DOCK4: variants seen among roughly 807,000 people sequenced by gnomAD.
DOCK4 encodes the protein dedicator of cytokinesis 4.
A neutral mutation model predicts 268.1 loss-of-function variants in DOCK4; 97 were observed. The ratio of observed to expected loss-of-function variants is 0.36; its 90% CI spans 0.31 to 0.43. The LOEUF is 0.43. DOCK4 is among the 20% of genes least tolerant of loss of function. The probability of loss-of-function intolerance (pLI) is 1.00; values close to 1 mark genes in which losing one functional copy is unlikely to be tolerated. For missense variants in DOCK4, 2,145 were observed against 2,455.7 expected, an observed-to-expected ratio of 0.87 and a Z score of 2.67; for synonymous variants, 954 against 887.2, an observed-to-expected ratio of 1.08 and a Z score of -1.34.
At chr7:111,823,040 T>G (rs1042680735) in intron 26 of DOCK4, among the ~76,000 whole-genome samples, 2 of 152,182 alleles carry the variant, frequency 1.3e-5, no homozygotes, top group African/African-American at 4.8e-5. Context: ...GGATATGTGC[T>G]AAGTCCAGCC....
chr7:111,761,689 C>T (rs1797417427), intron 39 of DOCK4, among the ~76,000 whole-genome samples: 1 of 152,082 alleles, frequency 6.6e-6, no homozygotes. Flanking sequence ...CTCAGTTCTT[C>T]CGCAGGGAAA....
At chr7:111,823,277 G>A (rs1298878423) in intron 26 of DOCK4, among the ~76,000 whole-genome samples, 1 of 146,974 alleles carries the variant, frequency 6.8e-6, no homozygotes, top group Non-Finnish European at 1.5e-5. Context: ...CGTGATCTCG[G>A]CTCACTGCAA....
chr7:111,728,555 C>G lies in DOCK4; in HGVS notation c.5647G>C (p.Ala1883Pro). The change falls in exon 53 of 53, where the codon GCC becomes CCC. Residue 1883 changes from alanine to proline, a missense_variant. Ala to Pro is a conservative substitution (Grantham distance 27). This residue lies in a region of DOCK4 where 547 missense variants were observed against 469.0 expected (regional missense o/e 1.17). Transcript: ENST00000428084. ...ACCGGCACTGGCACCGGCAGGGGGGCCGACTGTTCATTCACCTGATTTTCA... is the reference window on the plus strand; with the variant it reads ...ACCGGCACTGGCACCGGCAGGGGGGGCGACTGTTCATTCACCTGATTTTCA... ...GFENQVNEQSAPLPVPVPVPV... is the reference protein window; with the variant it reads ...GFENQVNEQSPPLPVPVPVPV... 6.2e-7 allele frequency: 1 copy of G among 1,613,872 alleles called. No individual in the cohort carries two copies.
intron 24 of DOCK4, among the ~76,000 whole-genome samples, chr7:111,845,456 G>T (rs1804025820): frequency 6.6e-6 from 1 of 152,178 alleles, no homozygotes; most frequent in South Asian, 2.1e-4. Context: ...CAGTGGCCAT[G>T]TGGAAACTGC....
chr7:111,854,274 T>C (rs1214996919), intron 23 of DOCK4, among the ~76,000 whole-genome samples: 1 of 152,260 alleles, frequency 6.6e-6, no homozygotes, highest in Non-Finnish European at 1.5e-5. Flanking sequence ...TAATCGGTTA[T>C]GTTATCTATA....
intron 1 of DOCK4, among the ~76,000 whole-genome samples, chr7:112,171,246 A>G (rs1818054753): frequency 6.6e-6 from 1 of 152,200 alleles, no homozygotes; most frequent in South Asian, 2.1e-4. Flanking sequence ...TGGAAAAATA[A>G]TTAACCTATT....
intron 1 of DOCK4, among the ~76,000 whole-genome samples, chr7:112,062,354 T>C (rs115878208): frequency 1.3e-5 from 2 of 152,192 alleles, no homozygotes; most frequent in Non-Finnish European, 1.5e-5. Flanking sequence ...TGGGAAAAAG[T>C]ACTCCGAACA....
rs1795573308 is a variant in DOCK4 at position 111,945,799 on chromosome 7, C to T, written c.702-1G>A. 1 of 1,578,016 alleles carries T rather than the reference C, an allele frequency of 6.3e-7. No homozygotes were observed. Among genetic ancestry groups the T allele is most frequent in the Non-Finnish European group, 8.6e-7 (1 of 1,161,146 alleles). Reference sequence around the variant, plus strand: ...ATTCAGCCTCAAGAAAAATCTCTCACTACAAGAGAAAAAATGTTTAACAAT... The same window carrying T: ...ATTCAGCCTCAAGAAAAATCTCTCATTACAAGAGAAAAAATGTTTAACAAT... On this transcript the variant is annotated splice_acceptor_variant, in intron 8 of 52. Coordinates refer to ENST00000428084, the MANE Select transcript of DOCK4 (RefSeq NM_001363540.2). LOFTEE classifies it high-confidence loss of function.
intron 1 of DOCK4, among the ~76,000 whole-genome samples, chr7:112,038,643 T>A (rs2135494166): frequency 6.6e-6 from 1 of 152,298 alleles, no homozygotes; most frequent in East Asian, 1.9e-4. Flanking sequence ...TCATTAAGTG[T>A]GTGTCTTGAC....
intron 22 of DOCK4, among the ~76,000 whole-genome samples, chr7:111,863,900 A>G (rs891221671): frequency 4.6e-5 from 7 of 152,222 alleles, no homozygotes; most frequent in African/African-American, 1.7e-4. Flanking sequence ...GATTGTAGTC[A>G]GTTATATTCA....
At chr7:111,771,981 G>A (rs1413146927) in intron 36 of DOCK4, among the ~76,000 whole-genome samples, 1 of 152,218 alleles carries the variant, frequency 6.6e-6, no homozygotes, top group African/African-American at 2.4e-5. Flanking sequence ...TCATTTCGAA[G>A]AATTAGGAAG....
At chr7:111,976,650 A>G (rs1432219246) in intron 8 of DOCK4, 2 of 152,126 alleles carry the variant, frequency 1.3e-5, no homozygotes, top group Non-Finnish European at 2.9e-5. Context: ...AAATATGTGA[A>G]AATTAGTTAT....
intron 8 of DOCK4, among the ~76,000 whole-genome samples, chr7:111,960,383 G>A (rs1256827437): frequency 6.8e-6 from 1 of 147,764 alleles, no homozygotes. Flanking sequence ...AAAAAGAAAA[G>A]AAAAAAGAAT....
intron 7 of DOCK4, among the ~76,000 whole-genome samples, chr7:111,978,926 G>C (rs1421965778): frequency 1.3e-5 from 2 of 152,154 alleles, no homozygotes; most frequent in African/African-American, 4.8e-5. Context: ...TGCTAAAAAT[G>C]TGGAAGATTA....
intron 7 of DOCK4, among the ~76,000 whole-genome samples, chr7:111,982,022 T>C (rs1363964393): frequency 1.3e-5 from 2 of 152,226 alleles, no homozygotes; most frequent in Non-Finnish European, 2.9e-5. Context: ...ATACCTGACA[T>C]ACTCAACTAA....
At chr7:111,759,833 T>C (rs1254274916) in intron 40 of DOCK4, among the ~76,000 whole-genome samples, 2 of 151,642 alleles carry the variant, frequency 1.3e-5, no homozygotes. Flanking sequence ...CACAATACTA[T>C]GATTTTCTTG....
intron 1 of DOCK4, among the ~76,000 whole-genome samples, chr7:112,050,524 T>G (rs1167003610): frequency 2.0e-5 from 3 of 152,140 alleles, no homozygotes; most frequent in African/African-American, 4.8e-5. Flanking sequence ...TCCACATTGG[T>G]AAACAATCAT....
intron 1 of DOCK4, among the ~76,000 whole-genome samples, chr7:112,197,369 C>T (rs189339234): frequency 4.6e-5 from 7 of 150,706 alleles, no homozygotes; most frequent in East Asian, 1.9e-4. Context: ...TAGATGGGTG[C>T]GTGTTCTTAA....
intron 2 of DOCK4, among the ~76,000 whole-genome samples, chr7:112,003,088 A>C (rs1246821539): frequency 6.6e-6 from 1 of 151,728 alleles, no homozygotes; most frequent in East Asian, 1.9e-4. Flanking sequence ...AAAGAAAAAA[A>C]GAAAAAGGAA....
Sources: gnomAD v4.1 joint callset for allele counts (sites outside exome capture counted in the v4.1 genomes callset) on GRCh38, gnomAD v4.1.1 for gene constraint, gnomAD v4.1.1 regional missense constraint, MANE v1.5 for transcripts, NCBI Gene and HGNC (gene_info 2026-07-23, HGNC 2026-07-21) for gene names.